Variants in FXR1 observed in about 807,000 individuals in gnomAD.
FXR1 encodes the protein FMR1 autosomal homolog 1.
Under a neutral mutation model 84.0 loss-of-function variants are expected in FXR1, and 15 were observed. The ratio of observed to expected loss-of-function variants is 0.18; its 90% CI spans 0.12 to 0.27. FXR1 has a LOEUF of 0.27. Among genes scored for constraint, FXR1 ranks in the 10% least tolerant of loss-of-function variants. The probability of loss-of-function intolerance (pLI) is 1.00; values close to 1 mark genes in which losing one functional copy is unlikely to be tolerated. For synonymous variants in FXR1, 245 were observed against 250.7 expected, an observed-to-expected ratio of 0.98 and a Z score of 0.21; for missense variants, 480 against 774.4, an observed-to-expected ratio of 0.62 and a Z score of 4.51.
chr3:180,977,633 T>G lies in FXR1; in HGVS notation c.*1341T>G, dbSNP rs1461822164. 6.6e-6 allele frequency: 1 copy of G among 152,132 alleles called. No individual in the cohort carries two copies. The highest frequency in any genetic ancestry group is 1.5e-5 in the Non-Finnish European group (1 of 67,980). 9.4% of individuals were successfully genotyped at this position (152,132 alleles called of 1,614,324 possible). ...AACAATGGACAACAGTTAGTACAGC[T>G]AATTGTGAGGTCAAGTAATTGTTAG... On this transcript the variant is annotated 3_prime_UTR_variant, in exon 17 of 17. Transcript: ENST00000357559.
At chr3:180,961,078 C>T (rs1712042742) in intron 10 of FXR1, among the ~76,000 whole-genome samples, 1 of 151,978 alleles carries the variant, frequency 6.6e-6, no homozygotes, top group South Asian at 2.1e-4. Flanking sequence ...CGCCTGTAAC[C>T]TCTTTACGAA....
rs12633492 is a variant in FXR1, at chr3:180,951,953, G to C, written c.801+485G>C. 4.7e-3 allele frequency among the ~76,000 whole-genome samples: 722 copies of C among 152,230 alleles called. 22 individuals carry two copies. In the East Asian group the frequency reaches 0.078, roughly 16 times the overall value. On this transcript the variant is annotated intron_variant, in intron 8 of 16. Transcript: ENST00000357559. ...GCAGTGGCACACACCTGCAGTCCCA[G>C]CTACTTGGGAATCTGAGGCAGGAGG...
In FXR1 at chr3:180,963,082, C is replaced by A; in HGVS notation, c.1190C>A (p.Ser397Tyr). The change falls in exon 13 of 17, where the codon TCC (serine) becomes TAC (tyrosine). Residue 397 changes from serine to tyrosine, a missense_variant. By Grantham distance (144) the Ser-to-Tyr change is moderately radical. Around this residue, in one of 6 missense-constraint regions of FXR1, gnomAD observed 157 missense variants for 227.8 expected, o/e 0.69. Coordinates refer to ENST00000357559, the MANE Select transcript of FXR1 (RefSeq NM_005087.4). ...GGTCGTCGGGGACCTAATTACACCTCCGGTTATGGTAAAAAAAAATTTTTT... is the reference window on the plus strand; with the variant it reads ...GGTCGTCGGGGACCTAATTACACCTACGGTTATGGTAAAAAAAAATTTTTT... ...GRGRRGPNYT[S>Y]GYGTNSELSN... The A allele has an allele frequency of 6.7e-7, 1 of 1,486,610 alleles. No individual in the cohort carries two copies. Among genetic ancestry groups the A allele is most frequent in the East Asian group, 2.3e-5 (1 of 44,086 alleles). 92.1% of individuals were successfully genotyped at this position (1,486,610 alleles called of 1,614,324 possible).
At chr3:180,929,048 AGT>A (rs1719577656) in intron 1 of FXR1, among the ~76,000 whole-genome samples, 1 of 151,918 alleles carries the variant, frequency 6.6e-6, no homozygotes, top group Admixed American at 6.6e-5. Flanking sequence ...CAGCCTCCCA[AGT>A]AGCTGGGATT....
At chr3:180,954,802 C>T (rs1247722948) in intron 9 of FXR1, among the ~76,000 whole-genome samples, 9 of 149,246 alleles carry the variant, frequency 6.0e-5, no homozygotes, top group Admixed American at 2.0e-4. Flanking sequence ...TGTTTAGCTA[C>T]GGACATTCTA....
intron 11 of FXR1, among the ~76,000 whole-genome samples, chr3:180,962,649 T>A (rs976735692): frequency 2.0e-5 from 3 of 152,132 alleles, no homozygotes; most frequent in African/African-American, 7.2e-5. Flanking sequence ...GTCCATGTCT[T>A]CTTTTATATT....
In FXR1 at chr3:180,926,508, T is replaced by TATATA. The variant is rs1560164955; in HGVS notation, c.52-6826_52-6825insATATA. On this transcript the variant is annotated intron_variant, in intron 1 of 16. Transcript: ENST00000357559. ...TATATATATATATATATATATATAT[T>TATATA]TTTTTTTCTGGCCTTTTGTTGGCAT... Among the ~76,000 whole-genome samples the TATATA allele has an allele frequency of 7.4e-3, 868 of 116,580 alleles. 3 individuals carry two copies. The highest frequency in any genetic ancestry group is 0.012 in the Non-Finnish European group (607 of 50,370). 76.5% of individuals were successfully genotyped at this position (116,580 alleles called of 152,430 possible).
intron 1 of FXR1, chr3:180,927,854 A>C (rs939867000): frequency 1.2e-5 from 5 of 401,246 alleles, no homozygotes; most frequent in African/African-American, 1.0e-4. Context: ...TACCTTTTCC[A>C]TCAGCTTGTT....
At chr3:180,946,590 C>T (rs973070952) in intron 3 of FXR1, among the ~76,000 whole-genome samples, 1 of 151,672 alleles carries the variant, frequency 6.6e-6, no homozygotes, top group African/African-American at 2.4e-5. Context: ...GTTTAACGGA[C>T]CCTGATTGGT....
chr3:180,923,185 A>G (rs895299316), intron 1 of FXR1, among the ~76,000 whole-genome samples: 6 of 152,096 alleles, frequency 3.9e-5, no homozygotes, highest in African/African-American at 1.4e-4. Flanking sequence ...TTTTTCTTGC[A>G]TGTGTGTCTC....
At chr3:180,951,906 T>C (rs1688450163) in intron 8 of FXR1, among the ~76,000 whole-genome samples, 1 of 152,182 alleles carries the variant, frequency 6.6e-6, no homozygotes, top group Non-Finnish European at 1.5e-5. Context: ...TAAGTTATTT[T>C]TAAAATGTTA....
At chr3:180,931,822 C>T (rs1169042202) in intron 1 of FXR1, among the ~76,000 whole-genome samples, 2 of 146,244 alleles carry the variant, frequency 1.4e-5, no homozygotes, top group African/African-American at 5.1e-5. Flanking sequence ...CTCACTGCAA[C>T]CTCTGCCTCC....
Position 180,982,212 on chromosome 3 carries a change from AAGAATACTTAGCACAGTGCT to A in FXR1, c.*5923_*5942del, listed in dbSNP as rs1424547039. ...AATAACTAGTCTACTGAGATAAGGG[AAGAATACTTAGCACAGTGCT>A]AGTACACTGTAAGTACTCAAATGTT... On this transcript the variant is annotated 3_prime_UTR_variant, in exon 17 of 17. Coordinates refer to ENST00000357559, the MANE Select transcript of FXR1 (RefSeq NM_005087.4). 6.6e-6 allele frequency: 1 copy of A among 152,096 alleles called. No homozygotes were observed. Among genetic ancestry groups the A allele is most frequent in the Middle Eastern group, 3.2e-3 (1 of 316 alleles). 9.4% of individuals were successfully genotyped at this position (152,096 alleles called of 1,614,324 possible). A position where few individuals can be genotyped will look rare whatever the true frequency, so the allele number is the denominator to read the frequency against.
chr3:180,963,689 T>A (rs1247131394), intron 13 of FXR1, among the ~76,000 whole-genome samples: 1 of 152,200 alleles, frequency 6.6e-6, no homozygotes, highest in Non-Finnish European at 1.5e-5. Flanking sequence ...AAATGAACAT[T>A]TTCTAAAATG....
intron 3 of FXR1, among the ~76,000 whole-genome samples, chr3:180,944,478 C>A (rs576141796): frequency 6.6e-6 from 1 of 151,896 alleles, no homozygotes; most frequent in South Asian, 2.1e-4. Flanking sequence ...GCACCAACCA[C>A]ACCTGGCTAA....
chr3:180,976,346 T>C lies in FXR1; in HGVS notation c.*54T>C. Reference sequence around the variant, plus strand: ...TTTACATTACATTTACAATAGTGCTTGTACAAGCTTGCCAAAGATAGAATA... The same window carrying C: ...TTTACATTACATTTACAATAGTGCTCGTACAAGCTTGCCAAAGATAGAATA... On this transcript the variant is annotated 3_prime_UTR_variant, in exon 17 of 17. Coordinates refer to ENST00000357559, the MANE Select transcript of FXR1 (RefSeq NM_005087.4). The C allele has an allele frequency of 2.5e-6, 3 of 1,183,348 alleles. No homozygotes were observed. The highest frequency in any genetic ancestry group is 2.4e-5 in the Admixed American group (1 of 41,156). 73.3% of individuals were successfully genotyped at this position (1,183,348 alleles called of 1,614,324 possible).
intron 13 of FXR1, among the ~76,000 whole-genome samples, chr3:180,963,319 T>G (rs1712382847): frequency 6.6e-6 from 1 of 152,064 alleles, no homozygotes; most frequent in South Asian, 2.1e-4. Context: ...GCAAAGCATG[T>G]TTTTAAGTTG....
chr3:180,932,676 A>G (rs976475377), intron 1 of FXR1, among the ~76,000 whole-genome samples: 2 of 152,200 alleles, frequency 1.3e-5, no homozygotes, highest in African/African-American at 4.8e-5. Flanking sequence ...TGAACAGTGT[A>G]CTCACTATAG....
At chr3:180,926,534 TAAAAA>T (rs1246056187) in intron 1 of FXR1, among the ~76,000 whole-genome samples, 2 of 145,322 alleles carry the variant, frequency 1.4e-5, no homozygotes, top group Admixed American at 1.4e-4. Flanking sequence ...TTGTTGGCAT[TAAAAA>T]AGAAAAAAGG....
Sources: allele counts gnomAD v4.1 joint callset (sites outside exome capture counted in the v4.1 genomes callset), GRCh38; gene constraint gnomAD v4.1.1; regional missense constraint gnomAD v4.1.1; transcripts MANE v1.5; gene names NCBI Gene and HGNC (gene_info 2026-07-23, HGNC 2026-07-21).